HTR4: variants seen among roughly 807,000 people sequenced by gnomAD.
HTR4 encodes 5-hydroxytryptamine receptor 4.
In HTR4, 16 loss-of-function variants were observed where a neutral mutation model predicts 36.8. The ratio of observed to expected loss-of-function variants is 0.43; its 90% CI spans 0.29 to 0.66. The LOEUF (loss-of-function observed/expected upper bound fraction) is 0.66. Among genes scored for constraint, HTR4 ranks in the 30% least tolerant of loss-of-function variants. The pLI is 0.13. For missense variants in HTR4, 438 were observed against 490.9 expected (o/e 0.89, Z 1.02); for synonymous variants, 189 against 185.1 (o/e 1.02, Z -0.17).
At chr5:148,486,197 C>T (rs974208794) in intron 6 of HTR4, among the ~76,000 whole-genome samples, 6 of 152,082 alleles carry the variant, frequency 3.9e-5, no homozygotes, top group African/African-American at 9.7e-5. Context: ...GGCTCATAGC[C>T]GCAGTTCTCA....
intron 2 of HTR4, among the ~76,000 whole-genome samples, chr5:148,576,990 C>T (rs1362581403): frequency 6.6e-6 from 1 of 152,068 alleles, no homozygotes; most frequent in African/African-American, 2.4e-5. Context: ...AACTTAAGAG[C>T]TTCTGCACAA....
intron 2 of HTR4, chr5:148,629,024 C>G (rs759769843): frequency 2.0e-5 from 3 of 152,018 alleles, no homozygotes; most frequent in African/African-American, 7.3e-5. Flanking sequence ...TATCTCTACC[C>G]TTGCCAAGCT....
chr5:148,532,539 T>C (rs1758622881), intron 4 of HTR4, among the ~76,000 whole-genome samples: 1 of 152,248 alleles, frequency 6.6e-6, no homozygotes, highest in Non-Finnish European at 1.5e-5. Flanking sequence ...GGAAAGGCTT[T>C]CTTCAATAGC....
chr5:148,574,836 A>G (rs1760829516), intron 2 of HTR4, among the ~76,000 whole-genome samples: 1 of 152,078 alleles, frequency 6.6e-6, no homozygotes, highest in South Asian at 2.1e-4. Flanking sequence ...CACAGAATTC[A>G]TTTTATTTTT....
chr5:148,632,185 T>C (rs2127301100), intron 2 of HTR4, among the ~76,000 whole-genome samples: 1 of 152,266 alleles, frequency 6.6e-6, no homozygotes, highest in East Asian at 1.9e-4. Context: ...TTAAAAGGGT[T>C]GGAAAATATA....
intron 2 of HTR4, among the ~76,000 whole-genome samples, chr5:148,588,696 G>A (rs1037885214): frequency 6.0e-5 from 9 of 150,286 alleles, no homozygotes; most frequent in South Asian, 2.1e-4. Flanking sequence ...GCCCGCCACC[G>A]CGCCCGGCTA....
intron 2 of HTR4, among the ~76,000 whole-genome samples, chr5:148,592,094 T>C (rs959766463): frequency 1.3e-5 from 2 of 152,142 alleles, no homozygotes; most frequent in Non-Finnish European, 2.9e-5. Flanking sequence ...GGAACATGGA[T>C]AAAGCTGGAG....
At chr5:148,499,220 A>G (rs2113750294) in intron 6 of HTR4, among the ~76,000 whole-genome samples, 1 of 152,358 alleles carries the variant, frequency 6.6e-6, no homozygotes, top group South Asian at 2.1e-4. Flanking sequence ...TATAAAAATT[A>G]GATGCAAATG....
intron 2 of HTR4, among the ~76,000 whole-genome samples, chr5:148,605,898 C>T (rs747401093): frequency 6.6e-5 from 10 of 151,994 alleles, no homozygotes; most frequent in Admixed American, 1.3e-4. Context: ...ATCTTTGATG[C>T]GGATTAATTA....
intron 5 of HTR4, among the ~76,000 whole-genome samples, chr5:148,517,532 A>G (rs924552685): frequency 6.6e-6 from 1 of 151,952 alleles, no homozygotes; most frequent in Admixed American, 6.6e-5. Flanking sequence ...CAGTATTCTC[A>G]TCTCGATTGA....
intron 6 of HTR4, among the ~76,000 whole-genome samples, chr5:148,484,961 A>G (rs1444638288): frequency 6.6e-6 from 1 of 152,162 alleles, no homozygotes; most frequent in African/African-American, 2.4e-5. Flanking sequence ...AAAACAATGA[A>G]TGAAAAAGAA....
chr5:148,503,430 A>C (rs1398123804), intron 6 of HTR4, among the ~76,000 whole-genome samples: 4 of 152,346 alleles, frequency 2.6e-5, no homozygotes, highest in East Asian at 1.9e-4. Context: ...TACTTTACAG[A>C]CAAGCAAATG....
chr5:148,583,611 CCATCAT>C (rs112185238), intron 2 of HTR4, among the ~76,000 whole-genome samples: 33,299 of 147,820 alleles, frequency 0.23, 4,478 homozygotes, highest in African/African-American at 0.38. Context: ...ATACTAATTG[CCATCAT>C]CATCATCATC....
At chr5:148,532,497 G>A (rs1255045921) in intron 4 of HTR4, among the ~76,000 whole-genome samples, 1 of 152,204 alleles carries the variant, frequency 6.6e-6, no homozygotes, top group Non-Finnish European at 1.5e-5. Context: ...AGGTTTTGGA[G>A]ATGTGAACAG....
intron 2 of HTR4, among the ~76,000 whole-genome samples, chr5:148,608,395 A>G (rs1752270587): frequency 6.6e-6 from 1 of 152,190 alleles, no homozygotes; most frequent in African/African-American, 2.4e-5. Context: ...TGGTCCACAA[A>G]AGCTTCTGAG....
At chr5:148,504,929 C>T (rs930046552) in intron 6 of HTR4, among the ~76,000 whole-genome samples, 2 of 152,128 alleles carry the variant, frequency 1.3e-5, no homozygotes, top group Admixed American at 6.5e-5. Flanking sequence ...ATACACCCTC[C>T]CAAGACTAAA....
intron 2 of HTR4, among the ~76,000 whole-genome samples, chr5:148,624,872 T>A (rs143580015): frequency 6.6e-6 from 1 of 152,208 alleles, no homozygotes; most frequent in South Asian, 2.1e-4. Flanking sequence ...CAATGTTTTT[T>A]AAATTCTTCC....
At chr5:148,518,217 T>C (rs1581413902) in intron 5 of HTR4, among the ~76,000 whole-genome samples, 1 of 152,130 alleles carries the variant, frequency 6.6e-6, no homozygotes, top group East Asian at 1.9e-4. Context: ...CCTAACATCC[T>C]AGATATCTGC....
chr5:148,566,191 G>A (rs541908045), intron 2 of HTR4, among the ~76,000 whole-genome samples: 9 of 152,192 alleles, frequency 5.9e-5, no homozygotes, highest in Non-Finnish European at 5.9e-5. Flanking sequence ...TTAATGACAA[G>A]GGACATTTCT....
Sources: allele counts gnomAD v4.1 joint callset (sites outside exome capture counted in the v4.1 genomes callset), GRCh38; gene constraint gnomAD v4.1.1; transcripts MANE v1.5; gene names NCBI Gene and HGNC (gene_info 2026-07-23, HGNC 2026-07-21).